Variants in SLC26A3 observed in about 807,000 individuals in gnomAD.
The protein encoded by SLC26A3 is solute carrier family 26 member 3.
A neutral mutation model predicts 85.6 loss-of-function variants in SLC26A3; 64 were observed. The observed-to-expected ratio is 0.75, with a 90% CI of 0.61 to 0.92. The LOEUF (loss-of-function observed/expected upper bound fraction) is 0.92, where lower values mean the gene tolerates loss of function less well. SLC26A3 is among the 40% of genes least tolerant of loss of function. The pLI, the probability that SLC26A3 is intolerant of heterozygous loss-of-function variation, is 0.00. For synonymous variants in SLC26A3, 349 were observed against 336.0 expected (o/e 1.04, Z -0.42); for missense variants, 922 against 927.3 (o/e 0.99, Z 0.07).
chr7:107,771,784 A>C (rs1217420104), intron 18 of SLC26A3, among the ~76,000 whole-genome samples: 1 of 152,214 alleles, frequency 6.6e-6, no homozygotes, highest in Non-Finnish European at 1.5e-5. Flanking sequence ...CTACCTTTTC[A>C]GGAAGTTTAG....
intron 18 of SLC26A3, among the ~76,000 whole-genome samples, chr7:107,768,502 A>G (rs937914676): frequency 5.3e-5 from 8 of 152,250 alleles, no homozygotes; most frequent in African/African-American, 1.9e-4. Flanking sequence ...CTGAGTAATA[A>G]GAAAGATCAA....
At chr7:107,796,069 T>A (rs1548639) in intron 1 of SLC26A3, among the ~76,000 whole-genome samples, 20,135 of 151,554 alleles carry the variant, frequency 0.13, 1,825 homozygotes, top group East Asian at 0.45. Context: ...AGAATTTGAG[T>A]TCCTTTGAGC....
intron 5 of SLC26A3, 115 bp downstream of exon 5, chr7:107,790,933 G>A: frequency 9.0e-7 from 1 of 1,110,804 alleles, no homozygotes; most frequent in South Asian, 1.3e-5. Flanking sequence ...CCATGAGGGA[G>A]AGACAAACCA....
At chr7:107,769,693 T>A (rs1793971943) in intron 18 of SLC26A3, among the ~76,000 whole-genome samples, 1 of 152,212 alleles carries the variant, frequency 6.6e-6, no homozygotes, top group Admixed American at 6.5e-5. Flanking sequence ...AGTTTACCTA[T>A]GTAACAAACC....
intron 3 of SLC26A3, among the ~76,000 whole-genome samples, chr7:107,793,481 G>C (rs1794438366): frequency 6.6e-6 from 1 of 152,134 alleles, no homozygotes. Context: ...GTGAGTGAAA[G>C]AAACCAGACA....
intron 12 of SLC26A3, 95 bp downstream of exon 12, chr7:107,779,573 T>G (rs1794182529): frequency 9.6e-7 from 1 of 1,037,030 alleles, no homozygotes; most frequent in Non-Finnish European, 1.5e-6. Flanking sequence ...AGAAACAAAA[T>G]TTCACTTAGT....
chr7:107,801,081 T>A (rs758366515), intron 1 of SLC26A3, among the ~76,000 whole-genome samples: 26 of 152,222 alleles, frequency 1.7e-4, no homozygotes, highest in Non-Finnish European at 3.1e-4. Context: ...TGAGATTTTC[T>A]GAGCACTTTC....
In SLC26A3 at chr7:107,779,660, C is replaced by T; in HGVS notation, c.1407+8G>A. ...ATCTCTCTTTCAAATACTATTGCCT[C>T]TACTTACACAATCATATTTGTCCTT... On this transcript the variant is annotated splice_region_variant and intron_variant, in intron 12 of 20. Transcript: ENST00000340010. 2 of 1,597,014 alleles carry T rather than the reference C, an allele frequency of 1.3e-6. No individual in the cohort carries two copies. Among genetic ancestry groups the T allele is most frequent in the Non-Finnish European group, 8.6e-7 (1 of 1,164,508 alleles).
In SLC26A3 at chr7:107,789,623, G is replaced by T. The variant is rs1411466838; in HGVS notation, c.636C>A (p.Gly212=). 1 of 1,613,948 alleles carries T rather than the reference G, an allele frequency of 6.2e-7. No homozygotes were observed. The highest frequency in any genetic ancestry group is 8.5e-7 in the Non-Finnish European group (1 of 1,179,868). The change falls in exon 6 of 21, where the codon GGC becomes GGA. Residue 212 remains glycine (G), a synonymous_variant. Coordinates refer to ENST00000340010, the MANE Select transcript of SLC26A3 (RefSeq NM_000111.3). ...VIYLSESLIS[G]FTTAAAVHVL... is the part of the protein sequence containing the mutation. The stretch of plus-strand genomic sequence containing the variant: ...CATGAACAGCAGCAGCAGTAGTGAA[G>T]CCACTGATGAGGGACTCAGACAGGT...
Position 107,770,181 on chromosome 7 carries a change from T to TTTGATTTGAG in SLC26A3, c.2062+1872_2062+1873insCTCAAATCAA, listed in dbSNP as rs1794001136. Among the ~76,000 whole-genome samples the TTTGATTTGAG allele has an allele frequency of 3.6e-5, 2 of 55,848 alleles. 1 individual carries two copies. The highest frequency in any genetic ancestry group is 2.5e-4 in the African/African-American group (2 of 7,998). The allele number at this position is 55,848 out of a possible 152,430, so 36.6% of individuals were successfully genotyped here. A position where few individuals can be genotyped will look rare whatever the true frequency, so the allele number is the denominator to read the frequency against. Reference sequence around the variant, plus strand: ...TTTTTTTTTTTTTTTTTTTTTTTTTTAAAAAAAAAAAGGGGTTTTTTTTTT... The same window carrying TTTGATTTGAG: ...TTTTTTTTTTTTTTTTTTTTTTTTTTTTGATTTGAGAAAAAAAAAAAGGGGTTTTTTTTTT... On this transcript the variant is annotated intron_variant, in intron 18 of 20. Coordinates refer to ENST00000340010, the MANE Select transcript of SLC26A3 (RefSeq NM_000111.3).
intron 20 of SLC26A3, among the ~76,000 whole-genome samples, chr7:107,766,592 A>G (rs1402630647): frequency 1.3e-5 from 2 of 152,148 alleles, no homozygotes; most frequent in Non-Finnish European, 2.9e-5. Flanking sequence ...ACTCTTAATA[A>G]TGTTCCAGAT....
chr7:107,773,147 A>T (rs567220545), intron 17 of SLC26A3, among the ~76,000 whole-genome samples: 1 of 152,268 alleles, frequency 6.6e-6, no homozygotes, highest in East Asian at 1.9e-4. Flanking sequence ...TTGAAATCAC[A>T]TGTGACATTT....
chr7:107,772,139 G>T, intron 17 of SLC26A3, 31 bp from the exon 18 acceptor site: 1 of 1,295,022 alleles, frequency 7.7e-7, no homozygotes. Context: ...TCTTCCTTAG[G>T]GAACAGTTTC....
At position 107,767,756 on chromosome 7, in the gene SLC26A3, G is replaced by C. The variant is rs751284711; in HGVS notation, c.2205+10C>G. On this transcript the variant is annotated intron_variant, in intron 19 of 20. Coordinates refer to ENST00000340010, the MANE Select transcript of SLC26A3 (RefSeq NM_000111.3). ...TTATGCAATTGTGAAAGTCACCAAA[G>C]AGCTGATACCTGACTGGGATTAAAC... 10 of 1,613,786 alleles carry C rather than the reference G, an allele frequency of 6.2e-6. No individual in the cohort carries two copies.
Position 107,783,462 on chromosome 7 carries a change from T to G in SLC26A3, c.972-110A>C, listed in dbSNP as rs41280236. Reference sequence around the variant, plus strand: ...AATCTAGGCTGAGTTGTGTCTCACTTTGGAGTATGATTAACGAGAATTTAG... The same window carrying G: ...AATCTAGGCTGAGTTGTGTCTCACTGTGGAGTATGATTAACGAGAATTTAG... On this transcript the variant is annotated intron_variant, in intron 8 of 20. Transcript: ENST00000340010. The G allele has an allele frequency of 5.3e-6, 7 of 1,314,692 alleles. No homozygotes were observed. The African/African-American group carries it at 8.7e-5, about 16-fold the overall frequency. 81.4% of individuals were successfully genotyped at this position (1,314,692 alleles called of 1,614,324 possible). A position where few individuals can be genotyped will look rare whatever the true frequency, so the allele number is the denominator to read the frequency against.
intron 12 of SLC26A3, among the ~76,000 whole-genome samples, chr7:107,779,371 G>A (rs1393915956): frequency 1.3e-5 from 2 of 152,214 alleles, no homozygotes; most frequent in Non-Finnish European, 2.9e-5. Context: ...GAGAGTTTCT[G>A]TGGTACTTGG....
chr7:107,783,469 A>G, intron 8 of SLC26A3, 117 bp from the exon 9 acceptor site: 1 of 1,224,706 alleles, frequency 8.2e-7, no homozygotes. Context: ...ACTTTGGAGT[A>G]TGATTAACGA....
At chr7:107,795,153 A>G (rs1359736983) in intron 1 of SLC26A3, among the ~76,000 whole-genome samples, 2 of 152,184 alleles carry the variant, frequency 1.3e-5, no homozygotes, top group Non-Finnish European at 2.9e-5. Flanking sequence ...ACTAAATATT[A>G]TTTGTTTACT....
intron 11 of SLC26A3, among the ~76,000 whole-genome samples, chr7:107,781,081 A>G (rs377700300): frequency 3.3e-5 from 5 of 152,280 alleles, no homozygotes; most frequent in South Asian, 4.1e-4. Context: ...CGGAAAAACA[A>G]TTTGAAGTAA....
Sources: allele counts gnomAD v4.1 joint callset (sites outside exome capture counted in the v4.1 genomes callset), GRCh38; gene constraint gnomAD v4.1.1; transcripts MANE v1.5; gene names NCBI Gene and HGNC (gene_info 2026-07-23, HGNC 2026-07-21).